The following OPCML variants were observed in gnomAD, a reference collection of about 807,000 sequenced individuals.
OPCML encodes the protein opioid binding protein/cell adhesion molecule like.
OPCML carries 13 observed loss-of-function variants against 37.8 expected under a neutral mutation model. The ratio of observed to expected loss-of-function variants is 0.34; its 90% CI spans 0.22 to 0.55. OPCML has a LOEUF of 0.55. OPCML is among the 20% of genes least tolerant of loss of function. The probability of loss-of-function intolerance (pLI) is 0.91; values close to 1 mark genes in which losing one functional copy is unlikely to be tolerated. For missense variants in OPCML, 341 were observed against 435.6 expected, an observed-to-expected ratio of 0.78 and a Z score of 1.93; for synonymous variants, 176 against 168.8, an observed-to-expected ratio of 1.04 and a Z score of -0.33.
At chr11:132,884,249 G>C (rs1239004695) in intron 2 of OPCML, among the ~76,000 whole-genome samples, 1 of 152,188 alleles carries the variant, frequency 6.6e-6, no homozygotes, top group African/African-American at 2.4e-5. Context: ...ATTACTAATA[G>C]GACAGGACAG....
intron 3 of OPCML, among the ~76,000 whole-genome samples, chr11:132,560,075 C>A (rs1208819288): frequency 1.3e-5 from 2 of 152,166 alleles, no homozygotes; most frequent in Non-Finnish European, 2.9e-5. Context: ...TCAATTGATA[C>A]TTTGTATGTG....
At chr11:133,235,739 C>T (rs1940482855) in intron 1 of OPCML, among the ~76,000 whole-genome samples, 1 of 152,160 alleles carries the variant, frequency 6.6e-6, no homozygotes, top group Non-Finnish European at 1.5e-5. Flanking sequence ...TGCAGGGATA[C>T]CTGGATTTTC....
At chr11:132,787,652 C>A (rs1318680161) in intron 2 of OPCML, among the ~76,000 whole-genome samples, 1 of 152,122 alleles carries the variant, frequency 6.6e-6, no homozygotes, top group Non-Finnish European at 1.5e-5. Flanking sequence ...TTAGAGCTGA[C>A]CAGAGAAGGT....
chr11:132,859,859 C>T (rs551889408), intron 2 of OPCML, among the ~76,000 whole-genome samples: 7 of 152,132 alleles, frequency 4.6e-5, no homozygotes, highest in South Asian at 4.1e-4. Context: ...ATTTTCTCAA[C>T]GGTACTATGG....
chr11:132,988,335 CA>C (rs1395691712), intron 1 of OPCML, among the ~76,000 whole-genome samples: 1 of 152,140 alleles, frequency 6.6e-6, no homozygotes, highest in Admixed American at 6.5e-5. Flanking sequence ...TAATTAGCTC[CA>C]TTGAATTGTG....
intron 1 of OPCML, among the ~76,000 whole-genome samples, chr11:133,288,898 A>ACTCT (rs1231238261): frequency 3.4e-4 from 52 of 151,944 alleles, no homozygotes; most frequent in Non-Finnish European, 1.0e-4. Context: ...CCTTAGTGCA[A>ACTCT]CTCTCGTGGG....
At chr11:133,447,785 G>T (rs866432323) in intron 1 of OPCML, among the ~76,000 whole-genome samples, 4 of 152,258 alleles carry the variant, frequency 2.6e-5, no homozygotes, top group Middle Eastern at 3.4e-3. Context: ...GGGGCTCTTA[G>T]GTTGACTTCA....
intron 1 of OPCML, among the ~76,000 whole-genome samples, chr11:133,398,652 T>C (rs1945337895): frequency 6.6e-6 from 1 of 152,160 alleles, no homozygotes; most frequent in South Asian, 2.1e-4. Flanking sequence ...AAATATGCAA[T>C]TTTCAAAATA....
intron 4 of OPCML, among the ~76,000 whole-genome samples, chr11:132,459,181 T>C (rs1565580002): frequency 6.6e-6 from 1 of 152,146 alleles, no homozygotes; most frequent in Admixed American, 6.5e-5. Context: ...TCCTGCCCTC[T>C]AGCTCACACT....
intron 2 of OPCML, among the ~76,000 whole-genome samples, chr11:132,923,922 C>A (rs1944899489): frequency 6.6e-6 from 1 of 151,912 alleles, no homozygotes; most frequent in African/African-American, 2.4e-5. Context: ...TGTCACTACG[C>A]CCAGCTAATT....
chr11:133,483,201 A>G (rs1947415836), intron 1 of OPCML, among the ~76,000 whole-genome samples: 1 of 152,158 alleles, frequency 6.6e-6, no homozygotes, highest in Admixed American at 6.5e-5. Context: ...AAAATGAAAT[A>G]CCAGTTTGTA....
At chr11:133,391,564 C>A (rs1945174588) in intron 1 of OPCML, among the ~76,000 whole-genome samples, 1 of 152,168 alleles carries the variant, frequency 6.6e-6, no homozygotes, top group African/African-American at 2.4e-5. Context: ...CTCTGCTGAG[C>A]CACCATATCC....
At chr11:133,423,239 G>GT (rs1305507653) in intron 1 of OPCML, 1 of 985,204 alleles carries the variant, frequency 1.0e-6, no homozygotes, top group African/African-American at 1.7e-5. Context: ...TCATTCTAGA[G>GT]TTTTTCTACC....
chr11:133,355,694 C>T (rs1233831778), intron 1 of OPCML, among the ~76,000 whole-genome samples: 1 of 152,086 alleles, frequency 6.6e-6, no homozygotes, highest in East Asian at 1.9e-4. Flanking sequence ...CTCTAGGAGT[C>T]CAAGAAATAA....
intron 1 of OPCML, among the ~76,000 whole-genome samples, chr11:133,149,727 T>G (rs1949950401): frequency 2.6e-5 from 4 of 152,224 alleles, no homozygotes; most frequent in Admixed American, 2.6e-4. Context: ...TGTTTTGTCA[T>G]GTGGTGTCTG....
intron 3 of OPCML, among the ~76,000 whole-genome samples, chr11:132,530,055 C>T (rs2096320060): frequency 6.6e-6 from 1 of 152,088 alleles, no homozygotes; most frequent in African/African-American, 2.4e-5. Flanking sequence ...ATAATGGTAG[C>T]TAAACTCACT....
intron 1 of OPCML, among the ~76,000 whole-genome samples, chr11:133,243,062 G>A (rs763416779): frequency 2.8e-4 from 42 of 152,288 alleles, no homozygotes; most frequent in Admixed American, 4.6e-4. Flanking sequence ...GGAGCTCATC[G>A]TGTGTTTGCT....
In OPCML at chr11:132,809,352, C is replaced by G. The variant is rs147264622; in HGVS notation, c.146+133574G>C. Among the ~76,000 whole-genome samples the G allele has an allele frequency of 5.5e-3, 834 of 152,168 alleles. 3 individuals carry two copies. Among genetic ancestry groups the G allele is most frequent in the Middle Eastern group, 0.027 (8 of 294 alleles). The stretch of plus-strand genomic sequence containing the variant: ...GAAGTAGATAATCCAAACCTCAGTT[C>G]CCCCCATACTCCAGGGCTGACTTAG... On this transcript the variant is annotated intron_variant, in intron 2 of 7. Coordinates refer to ENST00000524381, the MANE Select transcript of OPCML (RefSeq NM_001012393.5).
chr11:132,785,132 A>G (rs1231855769), intron 2 of OPCML, among the ~76,000 whole-genome samples: 1 of 152,226 alleles, frequency 6.6e-6, no homozygotes, highest in Non-Finnish European at 1.5e-5. Flanking sequence ...AAGAACCTGA[A>G]GTTCAGTCCA....
Sources: allele counts gnomAD v4.1 joint callset (sites outside exome capture counted in the v4.1 genomes callset), GRCh38; gene constraint gnomAD v4.1.1; transcripts MANE v1.5; gene names NCBI Gene and HGNC (gene_info 2026-07-23, HGNC 2026-07-21).